Variants in MYT1L observed in about 807,000 individuals in gnomAD.
MYT1L encodes myelin transcription factor 1 like.
A neutral mutation model predicts 126.7 loss-of-function variants in MYT1L; 12 were observed. The observed-to-expected ratio is 0.09, with a 90% CI of 0.06 to 0.15. MYT1L has a LOEUF of 0.15. Among genes scored for constraint, MYT1L ranks in the 10% least tolerant of loss-of-function variants. The probability of loss-of-function intolerance (pLI) is 1.00; values close to 1 mark genes in which losing one functional copy is unlikely to be tolerated. For synonymous variants in MYT1L, 541 were observed against 604.2 expected, an observed-to-expected ratio of 0.90 and a Z score of 1.53; for missense variants, 979 against 1,585.2, an observed-to-expected ratio of 0.62 and a Z score of 6.49.
At chr2:2,115,038 TC>T (rs1485769438) in intron 3 of MYT1L, among the ~76,000 whole-genome samples, 1 of 152,192 alleles carries the variant, frequency 6.6e-6, no homozygotes, top group Non-Finnish European at 1.5e-5. Context: ...ACCCTGGATC[TC>T]CCCTCTGCCT....
chr2:2,039,816 G>A (rs1278006622), intron 4 of MYT1L, among the ~76,000 whole-genome samples: 4 of 152,142 alleles, frequency 2.6e-5, no homozygotes, highest in African/African-American at 9.7e-5. Flanking sequence ...CATGACACTT[G>A]GGAAGGAGCC....
intron 10 of MYT1L, among the ~76,000 whole-genome samples, chr2:1,920,998 T>C (rs1287021223): frequency 6.6e-6 from 1 of 152,228 alleles, no homozygotes; most frequent in Non-Finnish European, 1.5e-5. Context: ...CATTTGGCTG[T>C]AGCGATGCCT....
intron 23 of MYT1L, among the ~76,000 whole-genome samples, chr2:1,798,254 C>A (rs1197436452): frequency 7.3e-6 from 1 of 137,666 alleles, no homozygotes; most frequent in Non-Finnish European, 1.5e-5. Context: ...CGGTCTCCCT[C>A]CATCCGGCAC....
intron 5 of MYT1L, among the ~76,000 whole-genome samples, chr2:1,996,739 C>T (rs56349133): frequency 2.3e-5 from 3 of 129,776 alleles, no homozygotes; most frequent in Non-Finnish European, 3.2e-5. Context: ...GCCACCCTAC[C>T]TCAGTGTGGG....
At chr2:2,115,763 G>C (rs1045000525) in intron 3 of MYT1L, among the ~76,000 whole-genome samples, 7 of 152,244 alleles carry the variant, frequency 4.6e-5, no homozygotes, top group African/African-American at 1.7e-4. Flanking sequence ...GGGGACAGCG[G>C]GAGAGCTGTG....
intron 3 of MYT1L, among the ~76,000 whole-genome samples, chr2:2,120,967 C>A (rs780252982): frequency 7.9e-5 from 12 of 152,066 alleles, no homozygotes; most frequent in Non-Finnish European, 1.2e-4. Context: ...TGTGTTAGAC[C>A]CACGGCCACC....
At chr2:1,956,688 CCTGT>C (rs1323244741) in intron 8 of MYT1L, among the ~76,000 whole-genome samples, 2 of 151,660 alleles carry the variant, frequency 1.3e-5, no homozygotes, top group Non-Finnish European at 2.9e-5. Context: ...ATCATGATTA[CCTGT>C]CTATCTTCTT....
At chr2:2,142,143 C>A (rs996175865) in intron 3 of MYT1L, among the ~76,000 whole-genome samples, 33 of 152,072 alleles carry the variant, frequency 2.2e-4, no homozygotes, top group Non-Finnish European at 4.4e-4. Context: ...CTGTTGTCCC[C>A]CTTTCTCGCC....
At chr2:1,987,722 C>A (rs1558639450) in intron 5 of MYT1L, among the ~76,000 whole-genome samples, 1 of 152,174 alleles carries the variant, frequency 6.6e-6, no homozygotes, top group Non-Finnish European at 1.5e-5. Context: ...AGAGAAAGAG[C>A]AGACGTTGAA....
chr2:1,905,565 G>A (rs534623854), intron 13 of MYT1L, among the ~76,000 whole-genome samples: 149 of 152,178 alleles, frequency 9.8e-4, no homozygotes, highest in African/African-American at 3.5e-3. Flanking sequence ...TGTTGGCCAG[G>A]CTGGTCTCCA....
chr2:1,911,985 C>T (rs952342568), intron 12 of MYT1L, 35 bp downstream of exon 12: 2 of 1,500,202 alleles, frequency 1.3e-6, no homozygotes, highest in Non-Finnish European at 1.8e-6. Context: ...GCAGCCGGTG[C>T]TCCCTCCCAC....
chr2:2,224,534 T>G lies in MYT1L; in HGVS notation c.-420-51546A>C, dbSNP rs1468788935. On this transcript the variant is annotated intron_variant, in intron 2 of 24. Transcript: ENST00000647738. The surrounding 1 kb of genome is among the most constrained non-coding windows in gnomAD (Gnocchi z 4.0). ...TTTTTCCCATTAAGAAAATAAATGT[T>G]TCAGGCTGGGCACGGTGGCTGAAGC... Among the ~76,000 whole-genome samples the G allele has an allele frequency of 6.6e-6, 1 of 152,166 alleles. No homozygotes were observed. Among genetic ancestry groups the G allele is most frequent in the Non-Finnish European group, 1.5e-5 (1 of 68,028 alleles).
intron 23 of MYT1L, chr2:1,795,410 T>A (rs955311937): frequency 6.6e-6 from 1 of 152,346 alleles, no homozygotes; most frequent in Non-Finnish European, 1.5e-5. Flanking sequence ...AGAAAGGTGA[T>A]GTAGGGGCTC....
chr2:1,900,795 G>A (rs892283533), intron 14 of MYT1L, among the ~76,000 whole-genome samples: 11 of 152,116 alleles, frequency 7.2e-5, no homozygotes, highest in Non-Finnish European at 1.5e-4. Context: ...CTGTTTTCCT[G>A]AAGCCCTAAC....
At chr2:1,871,259 T>C (rs1233790590) in intron 18 of MYT1L, among the ~76,000 whole-genome samples, 1 of 152,200 alleles carries the variant, frequency 6.6e-6, no homozygotes, top group African/African-American at 2.4e-5. Flanking sequence ...GCTACGGAAA[T>C]CTCTGTGTGC....
intron 23 of MYT1L, among the ~76,000 whole-genome samples, chr2:1,794,206 C>T (rs1309609147): frequency 2.6e-5 from 4 of 152,212 alleles, no homozygotes; most frequent in African/African-American, 9.6e-5. Flanking sequence ...GTGGCTGCTA[C>T]AGGCCCCTCG....
At chr2:2,202,448 C>T (rs919512460) in intron 2 of MYT1L, among the ~76,000 whole-genome samples, 8 of 152,164 alleles carry the variant, frequency 5.3e-5, no homozygotes, top group African/African-American at 1.9e-4. Context: ...ACATCACCAC[C>T]GATCCTACAG....
intron 8 of MYT1L, among the ~76,000 whole-genome samples, chr2:1,953,362 C>T (rs1449496233): frequency 2.6e-5 from 4 of 152,166 alleles, no homozygotes; most frequent in African/African-American, 7.2e-5. Context: ...AACTGTTGCC[C>T]ATTTTCCATC....
chr2:1,947,263 C>A (rs954743224), intron 8 of MYT1L, among the ~76,000 whole-genome samples: 20 of 152,300 alleles, frequency 1.3e-4, no homozygotes, highest in Middle Eastern at 3.4e-3. Flanking sequence ...AGCCGCCCTC[C>A]TTTTCAAGAT....
Sources: gnomAD v4.1 joint callset for allele counts (sites outside exome capture counted in the v4.1 genomes callset) on GRCh38, gnomAD v4.1.1 for gene constraint, Gnocchi (gnomAD v3.1) non-coding constraint, MANE v1.5 for transcripts, NCBI Gene and HGNC (gene_info 2026-07-23, HGNC 2026-07-21) for gene names.